IL5RA: variants seen among roughly 807,000 people sequenced by gnomAD.
IL5RA encodes interleukin-5 receptor subunit alpha.
Under a neutral mutation model 50.0 loss-of-function variants are expected in IL5RA, and 49 were observed. The ratio of observed to expected loss-of-function variants is 0.98; its 90% CI spans 0.78 to 1.24. The LOEUF is 1.24. Among genes scored for constraint, IL5RA ranks in the 50% most tolerant of loss-of-function variants. The pLI is 0.00. For synonymous variants in IL5RA, 202 were observed against 174.0 expected (o/e 1.16, Z -1.26); for missense variants, 600 against 500.4 (o/e 1.20, Z -1.90).
intron 7 of IL5RA, among the ~76,000 whole-genome samples, chr3:3,097,052 C>T (rs1575001454): frequency 6.6e-6 from 1 of 152,198 alleles, no homozygotes; most frequent in African/African-American, 2.4e-5. Flanking sequence ...TCTGGCCCCA[C>T]AGCCCATAAT....
In IL5RA at chr3:3,102,812, G is replaced by A; in HGVS notation, c.91C>T (p.Leu31Phe). ...TTAATGGTGAAATTGACAGGTGGGA[G>A]AAGTGAAACTGTTGATTCAAAGAAT... ...DLLPDEKISL[L>F]PPVNFTIKVT... The change falls in exon 4 of 12, where the codon CTC becomes TTC. Residue 31 changes from leucine to phenylalanine, a missense_variant. By Grantham distance (22) the Leu-to-Phe change is conservative. Coordinates refer to ENST00000446632, the MANE Select transcript of IL5RA (RefSeq NM_175726.4). The A allele has an allele frequency of 1.2e-6, 2 of 1,601,972 alleles. No homozygotes were observed. Among genetic ancestry groups the A allele is most frequent in the Non-Finnish European group, 1.7e-6 (2 of 1,176,542 alleles).
Position 3,068,255 on chromosome 3 carries a change from C to G in IL5RA, c.*1970G>C, listed in dbSNP as rs1702184542. 6.6e-6 allele frequency: 1 copy of G among 152,096 alleles called. No individual in the cohort carries two copies. The highest frequency in any genetic ancestry group is 1.5e-5 in the Non-Finnish European group (1 of 68,062). 9.4% of individuals were successfully genotyped at this position (152,096 alleles called of 1,614,324 possible). The stretch of plus-strand genomic sequence containing the variant: ...AGGAGCCCTCCAGGCGCCTCTGATT[C>G]TGACCTAAGGTGTTCATTACAAATA... On this transcript the variant is annotated 3_prime_UTR_variant, in exon 12 of 12. Coordinates refer to ENST00000446632, the MANE Select transcript of IL5RA (RefSeq NM_175726.4).
In IL5RA at chr3:3,074,780, A is replaced by G; in HGVS notation, c.1176+2T>C. ...GCATATCATAAGAACTTTCAACATT[A>G]CCTCATAGTTAGTGGTTACAAAGAG... is the stretch of plus-strand genomic sequence containing the variant. On this transcript the variant is annotated splice_donor_variant, in intron 11 of 11. Coordinates refer to ENST00000446632, the MANE Select transcript of IL5RA (RefSeq NM_175726.4). LOFTEE classifies it high-confidence loss of function. The G allele has an allele frequency of 2.5e-6, 4 of 1,570,134 alleles. No homozygotes were observed. The South Asian group carries it at 3.3e-5, about 13-fold the overall frequency.
chr3:3,090,305 T>C (rs1453657181), intron 9 of IL5RA: 2 of 1,320,680 alleles, frequency 1.5e-6, no homozygotes, highest in East Asian at 2.3e-5. Flanking sequence ...AATCAATCCT[T>C]GTAAAGGCTG....
Position 3,089,895 on chromosome 3 carries a change from G to A in IL5RA, c.994+2329C>T, listed in dbSNP as rs554494112. ...CCCAAAGTGCTGGGATTACTGGTGT[G>A]AGCCACCGCACCCATCCCCAAGATC... On this transcript the variant is annotated intron_variant, in intron 9 of 11. Transcript: ENST00000446632. 2.8e-5 allele frequency: 6 copies of A among 214,390 alleles called. No individual in the cohort carries two copies. The East Asian group carries it at 8.3e-4, about 30-fold the overall frequency. 13.3% of individuals were successfully genotyped at this position (214,390 alleles called of 1,614,324 possible). A position where few individuals can be genotyped will look rare whatever the true frequency, so the allele number is the denominator to read the frequency against.
chr3:3,079,639 T>C (rs945610571), intron 9 of IL5RA, among the ~76,000 whole-genome samples: 1 of 152,168 alleles, frequency 6.6e-6, no homozygotes, highest in African/African-American at 2.4e-5. Flanking sequence ...ATATAATCCA[T>C]AGATCCTTCC....
At position 3,070,185 on chromosome 3, in the gene IL5RA, G is replaced by T; in HGVS notation, c.*40C>A. 7.7e-7 allele frequency: 1 copy of T among 1,300,140 alleles called. No homozygotes were observed. Among genetic ancestry groups the T allele is most frequent in the Non-Finnish European group, 1.1e-6 (1 of 901,404 alleles). The allele number at this position is 1,300,140 out of a possible 1,614,324, so 80.5% of individuals were successfully genotyped here. The stretch of plus-strand genomic sequence containing the variant: ...TCCCTGTTCTTTTCACTGAGGCACT[G>T]AGGCATGTGTGAGTTCATCAGAGGA... On this transcript the variant is annotated 3_prime_UTR_variant, in exon 12 of 12. Transcript: ENST00000446632.
chr3:3,095,447 AAGTT>A lies in IL5RA; in HGVS notation c.710-7_710-4del, dbSNP rs767188571. ...ATTCAGTGGAGGATTTATTTGATCT[AAGTT>A]AGGGAACGAAAGATCAGTGATTTTT... On this transcript the variant is annotated splice_region_variant and splice_polypyrimidine_tract_variant and intron_variant, in intron 7 of 11. Transcript: ENST00000446632. 10 of 1,598,212 alleles carry A rather than the reference AAGTT, an allele frequency of 6.3e-6. No individual in the cohort carries two copies. In the Admixed American group the frequency reaches 8.8e-5, roughly 14 times the overall value.
At chr3:3,072,639 G>T (rs753836085) in intron 11 of IL5RA, among the ~76,000 whole-genome samples, 9 of 152,244 alleles carry the variant, frequency 5.9e-5, no homozygotes, top group Non-Finnish European at 1.3e-4. Context: ...CTAGATGTGG[G>T]CTGGGTGCAG....
At chr3:3,086,761 C>A (rs751940958) in intron 9 of IL5RA, among the ~76,000 whole-genome samples, 5 of 152,146 alleles carry the variant, frequency 3.3e-5, no homozygotes, top group African/African-American at 1.2e-4. Context: ...AGACACCTAA[C>A]GTGCATGTTT....
Position 3,097,883 on chromosome 3 carries a change from G to C in IL5RA, c.696C>G (p.Ala232=). Residue 232 remains alanine (A), a synonymous_variant, in exon 7 of 12, where the codon GCC becomes GCG. Coordinates refer to ENST00000446632, the MANE Select transcript of IL5RA (RefSeq NM_175726.4). ...AGTCGGTCTTACCAATGGCGTGAAG[G>C]GCAAACAGCTGATCAAAGGGCCTGA... ...SAIRPFDQLF[A]LHAIDQINPP... is the part of the protein sequence containing the mutation. 6.2e-7 allele frequency: 1 copy of C among 1,613,546 alleles called. No homozygotes were observed. The highest frequency in any genetic ancestry group is 2.2e-5 in the East Asian group (1 of 44,856).
At chr3:3,102,217 C>T (rs756013764) in intron 4 of IL5RA, among the ~76,000 whole-genome samples, 2 of 152,250 alleles carry the variant, frequency 1.3e-5, no homozygotes, top group Non-Finnish European at 2.9e-5. Context: ...TGAATGTAGC[C>T]CCGAGGTAAA....
intron 3 of IL5RA, among the ~76,000 whole-genome samples, chr3:3,103,791 GT>G (rs34122523): frequency 0.78 from 119,168 of 152,056 alleles, 46,878 homozygotes; most frequent in South Asian, 0.89. Flanking sequence ...TATTCGTTAT[GT>G]TTTTTTCTGG....
At position 3,096,516 on chromosome 3, in the gene IL5RA, T is replaced by C. The variant is rs1703375825; in HGVS notation, c.710-1072A>G. Among the ~76,000 whole-genome samples the C allele has an allele frequency of 3.9e-5, 6 of 152,118 alleles. 1 individual carries two copies. The South Asian group carries it at 1.2e-3, about 32-fold the overall frequency. ...TGGCTTCAGAGCCTCCTATACCCTA[T>C]GAAGAAAATTCTTAACCAAGAAAGT... On this transcript the variant is annotated intron_variant, in intron 7 of 11. Transcript: ENST00000446632.
chr3:3,076,741 T>G, intron 9 of IL5RA, 114 bp from the exon 10 acceptor site: 4 of 610,004 alleles, frequency 6.6e-6, no homozygotes, highest in Non-Finnish European at 1.2e-5. Flanking sequence ...TTGCCGGTGC[T>G]GGGTGGTGTT....
At position 3,067,949 on chromosome 3, in the gene IL5RA, T is replaced by G. The variant is rs979473656; in HGVS notation, c.*2276A>C. On this transcript the variant is annotated 3_prime_UTR_variant, in exon 12 of 12. Coordinates refer to ENST00000446632, the MANE Select transcript of IL5RA (RefSeq NM_175726.4). Reference sequence around the variant, plus strand: ...GAGGCAGTTTCCACAATGCCAACTGTCTGGGTTGTGGTTTGAAAGAGATCA... The same window carrying G: ...GAGGCAGTTTCCACAATGCCAACTGGCTGGGTTGTGGTTTGAAAGAGATCA... 6.6e-6 allele frequency: 1 copy of G among 152,220 alleles called. No homozygotes were observed. Among genetic ancestry groups the G allele is most frequent in the Non-Finnish European group, 1.5e-5 (1 of 68,054 alleles). The allele number at this position is 152,220 out of a possible 1,614,324, so 9.4% of individuals were successfully genotyped here.
chr3:3,071,788 C>A (rs1702309180), intron 11 of IL5RA, among the ~76,000 whole-genome samples: 1 of 152,088 alleles, frequency 6.6e-6, no homozygotes, highest in Non-Finnish European at 1.5e-5. Context: ...TGGGGTTTTG[C>A]CATGTTGGCC....
At chr3:3,084,466 T>C (rs547587767) in intron 9 of IL5RA, among the ~76,000 whole-genome samples, 5 of 152,342 alleles carry the variant, frequency 3.3e-5, no homozygotes, top group African/African-American at 9.6e-5. Context: ...AAATGTTCAT[T>C]AAGATGAATC....
At position 3,070,665 on chromosome 3, in the gene IL5RA, C is replaced by T. The variant is rs574099192; in HGVS notation, c.1177-354G>A. On this transcript the variant is annotated intron_variant, in intron 11 of 11. Transcript: ENST00000446632. Reference sequence around the variant, plus strand: ...TGGCATGATGTCGGCTCACTGCAACCTCCACCTCCCAGGTTCAAGTGATTC... The same window carrying T: ...TGGCATGATGTCGGCTCACTGCAACTTCCACCTCCCAGGTTCAAGTGATTC... 8.7e-4 allele frequency among the ~76,000 whole-genome samples: 129 copies of T among 148,560 alleles called. 1 individual carries two copies. The highest frequency in any genetic ancestry group is 3.1e-3 in the African/African-American group (123 of 39,714).
Sources: gnomAD v4.1 joint callset for allele counts (sites outside exome capture counted in the v4.1 genomes callset) on GRCh38, gnomAD v4.1.1 for gene constraint, MANE v1.5 for transcripts, NCBI Gene and HGNC (gene_info 2026-07-23, HGNC 2026-07-21) for gene names.